Variants in KCNIP4 observed in about 807,000 individuals in gnomAD.
The protein encoded by KCNIP4 is potassium voltage-gated channel interacting protein 4.
Under a neutral mutation model 34.0 loss-of-function variants are expected in KCNIP4, and 12 were observed. That is an observed-to-expected ratio of 0.35 (90% CI 0.23 to 0.57). The LOEUF (loss-of-function observed/expected upper bound fraction) is 0.57. KCNIP4 is among the 20% of genes least tolerant of loss of function. The pLI is 0.83. For synonymous variants in KCNIP4, 124 were observed against 102.2 expected (o/e 1.21, Z -1.29); for missense variants, 238 against 311.7 (o/e 0.76, Z 1.78).
intron 1 of KCNIP4, among the ~76,000 whole-genome samples, chr4:21,639,676 T>C (rs983644504): frequency 6.6e-6 from 1 of 152,214 alleles, no homozygotes; most frequent in African/African-American, 2.4e-5. Flanking sequence ...TTAAAAATAT[T>C]GTATATTCCA....
intron 1 of KCNIP4, among the ~76,000 whole-genome samples, chr4:21,788,473 C>A (rs1720055964): frequency 6.6e-6 from 1 of 152,130 alleles, no homozygotes; most frequent in Admixed American, 6.5e-5. Flanking sequence ...TCACCCCCAG[C>A]CTCTAACCTC....
chr4:21,936,935 C>A (rs924033902), intron 1 of KCNIP4, among the ~76,000 whole-genome samples: 1 of 152,026 alleles, frequency 6.6e-6, no homozygotes, highest in African/African-American at 2.4e-5. Context: ...CTCTATCTCC[C>A]ACCCTTATTC....
chr4:20,841,835 G>A (rs533222840), intron 3 of KCNIP4, among the ~76,000 whole-genome samples: 1 of 151,898 alleles, frequency 6.6e-6, no homozygotes, highest in African/African-American at 2.4e-5. Flanking sequence ...TACAAATGAC[G>A]TTCCAGGTTC....
intron 1 of KCNIP4, among the ~76,000 whole-genome samples, chr4:21,783,938 TAGAAATATATATTTAATC>T (rs1260209271): frequency 1.3e-4 from 20 of 152,346 alleles, no homozygotes; most frequent in African/African-American, 4.8e-4. Context: ...ATAAGCTTTG[TAGAAATATATATTTAATC>T]AGATACATAT....
chr4:21,556,920 CAGAAAAA>C (rs1324789010), intron 1 of KCNIP4, among the ~76,000 whole-genome samples: 2 of 35,664 alleles, frequency 5.6e-5, no homozygotes, highest in Admixed American at 2.8e-4. Flanking sequence ...GACTCCATCT[CAGAAAAA>C]AAAAAAAAAA....
chr4:21,912,970 C>G (rs1327913592), intron 1 of KCNIP4, among the ~76,000 whole-genome samples: 1 of 151,822 alleles, frequency 6.6e-6, no homozygotes, highest in Non-Finnish European at 1.5e-5. Flanking sequence ...CTGAAGAAGA[C>G]AGGAGTGGGG....
At chr4:21,697,670 T>C in intron 1 of KCNIP4, 1 of 1,278,954 alleles carries the variant, frequency 7.8e-7, no homozygotes, top group Admixed American at 4.3e-5. Flanking sequence ...ACACGGCTTC[T>C]CAGTGTGGTG....
At chr4:21,098,264 A>T (rs1057257720) in intron 1 of KCNIP4, among the ~76,000 whole-genome samples, 2 of 152,226 alleles carry the variant, frequency 1.3e-5, no homozygotes, top group East Asian at 3.8e-4. Flanking sequence ...TACCCAGAAG[A>T]TCTAGCTAAG....
intron 1 of KCNIP4, among the ~76,000 whole-genome samples, chr4:21,706,794 T>C (rs1713305211): frequency 6.6e-6 from 1 of 152,172 alleles, no homozygotes; most frequent in Non-Finnish European, 1.5e-5. Context: ...GCCTTTCAAA[T>C]TGTCACAAGT....
intron 1 of KCNIP4, among the ~76,000 whole-genome samples, chr4:21,434,555 G>A (rs892315747): frequency 2.6e-5 from 4 of 152,082 alleles, no homozygotes; most frequent in African/African-American, 4.8e-5. Context: ...AGCACAGCAG[G>A]AGGTGAGTGG....
intron 1 of KCNIP4, among the ~76,000 whole-genome samples, chr4:21,897,395 C>T (rs968078709): frequency 3.3e-5 from 5 of 152,110 alleles, no homozygotes; most frequent in African/African-American, 7.2e-5. Context: ...TCTTCCAGCA[C>T]AAGTATCAGA....
chr4:20,983,735 G>T, intron 1 of KCNIP4: 3 of 1,172,108 alleles, frequency 2.6e-6, no homozygotes, highest in Non-Finnish European at 3.6e-6. Flanking sequence ...GAGTATTAAG[G>T]CTTCTTAACT....
intron 1 of KCNIP4, among the ~76,000 whole-genome samples, chr4:20,938,732 C>A (rs572303084): frequency 2.6e-4 from 40 of 152,190 alleles, no homozygotes; most frequent in African/African-American, 9.6e-4. Context: ...AACAAAGAAA[C>A]AACACCTCTT....
intron 1 of KCNIP4, among the ~76,000 whole-genome samples, chr4:21,783,190 T>G (rs1323655729): frequency 6.6e-6 from 1 of 152,216 alleles, no homozygotes; most frequent in Non-Finnish European, 1.5e-5. Context: ...GTGCTTTAGT[T>G]ACATAAGAGG....
chr4:20,910,954 TA>T (rs1466689713), intron 1 of KCNIP4, among the ~76,000 whole-genome samples: 2 of 151,830 alleles, frequency 1.3e-5, no homozygotes, highest in Non-Finnish European at 2.9e-5. Context: ...CCCCACATAT[TA>T]AAAAAAGGGA....
chr4:20,826,394 G>C (rs769900582), intron 3 of KCNIP4, among the ~76,000 whole-genome samples: 9 of 151,936 alleles, frequency 5.9e-5, no homozygotes, highest in African/African-American at 2.2e-4. Context: ...GGGCAGCATA[G>C]TGAGACCCCC....
intron 1 of KCNIP4, among the ~76,000 whole-genome samples, chr4:21,946,614 T>C (rs950230393): frequency 6.6e-6 from 1 of 152,226 alleles, no homozygotes; most frequent in Non-Finnish European, 1.5e-5. Flanking sequence ...TTCTCTAATA[T>C]TAGCTTTGAA....
intron 1 of KCNIP4, among the ~76,000 whole-genome samples, chr4:21,775,887 T>C (rs527422800): frequency 3.3e-5 from 5 of 152,292 alleles, no homozygotes; most frequent in South Asian, 2.1e-4. Flanking sequence ...TTTTAGGTAG[T>C]TGTGAGTCCC....
chr4:21,282,447 A>C (rs1405968495), intron 1 of KCNIP4, among the ~76,000 whole-genome samples: 2 of 137,426 alleles, frequency 1.5e-5, no homozygotes, highest in Non-Finnish European at 3.1e-5. Flanking sequence ...GACTGGCACC[A>C]AAAGATGTGT....
Sources: allele counts gnomAD v4.1 joint callset (sites outside exome capture counted in the v4.1 genomes callset), GRCh38; gene constraint gnomAD v4.1.1; transcripts MANE v1.5; gene names NCBI Gene and HGNC (gene_info 2026-07-23, HGNC 2026-07-21).